Variants in ENPEP observed in about 807,000 individuals in gnomAD.
ENPEP encodes the protein glutamyl aminopeptidase.
In ENPEP, 103 loss-of-function variants were observed where a neutral mutation model predicts 114.5. The observed-to-expected ratio is 0.90, with a 90% CI of 0.77 to 1.06. The LOEUF is 1.06. Among genes scored for constraint, ENPEP ranks in the 50% least tolerant of loss-of-function variants. ENPEP has a pLI of 0.00. For synonymous variants in ENPEP, 420 were observed against 422.0 expected, an observed-to-expected ratio of 1.00 and a Z score of 0.06; for missense variants, 1,196 against 1,161.3, an observed-to-expected ratio of 1.03 and a Z score of -0.43.
intron 8 of ENPEP, among the ~76,000 whole-genome samples, chr4:110,517,375 A>T (rs957154912): frequency 7.9e-5 from 12 of 152,240 alleles, no homozygotes; most frequent in Non-Finnish European, 1.3e-4. Context: ...CCTATAATAA[A>T]TTATACAGGA....
rs777758337 is a variant in ENPEP, at chr4:110,559,635, A to C, written c.2643-12A>C. On this transcript the variant is annotated splice_polypyrimidine_tract_variant and intron_variant, in intron 18 of 19. Transcript: ENST00000265162. ...GCACTTACACTTCCTTTTACTCTAAATTTCTCTCCAGATATACACTCAATA... is the reference window on the plus strand; with the variant it reads ...GCACTTACACTTCCTTTTACTCTAACTTTCTCTCCAGATATACACTCAATA... 6.3e-7 allele frequency: 1 copy of C among 1,597,206 alleles called. No individual in the cohort carries two copies. Among genetic ancestry groups the C allele is most frequent in the Admixed American group, 1.7e-5 (1 of 59,732 alleles).
In ENPEP at chr4:110,476,558, C is replaced by A. The variant is rs778573747; in HGVS notation, c.144C>A (p.Asp48Glu). Residue 48 changes from aspartate (D) to glutamate (E), a missense_variant, in exon 1 of 20, where the codon GAC becomes GAA. Transcript: ENST00000265162. ...CCAGATCGTGTGACTCCAGCGGGGA[C>A]GGCGGGCCGGGCACTGCGCCAGCTC... ...GLTRSCDSSG[D>E]GGPGTAPAPS... 4 of 1,612,630 alleles carry A rather than the reference C, an allele frequency of 2.5e-6. No homozygotes were observed. The South Asian group carries it at 4.4e-5, about 18-fold the overall frequency.
At position 110,476,193 on chromosome 4, in the gene ENPEP, T is replaced by A; in HGVS notation, c.-222T>A. 2.0e-6 allele frequency: 1 copy of A among 512,416 alleles called. No individual in the cohort carries two copies. The highest frequency in any genetic ancestry group is 3.1e-5 in the East Asian group (1 of 32,186). The allele number at this position is 512,416 out of a possible 1,614,324, so 31.7% of individuals were successfully genotyped here. A position where few individuals can be genotyped will look rare whatever the true frequency, so the allele number is the denominator to read the frequency against. On this transcript the variant is annotated 5_prime_UTR_variant, in exon 1 of 20. Transcript: ENST00000265162. ...CTCCCACTCGGCTCCTCTTACGGAG[T>A]CCTCATTCCACCCCCCTTGTTTCCG... is the stretch of plus-strand genomic sequence containing the variant.
At chr4:110,548,349 T>A in intron 14 of ENPEP, 23 bp downstream of exon 14, 1 of 1,510,562 alleles carries the variant, frequency 6.6e-7, no homozygotes, top group Non-Finnish European at 8.9e-7. Context: ...CTATGGTATC[T>A]TATGAAAGTA....
At chr4:110,485,730 T>G (rs1219858043) in intron 1 of ENPEP, among the ~76,000 whole-genome samples, 1 of 152,226 alleles carries the variant, frequency 6.6e-6, no homozygotes, top group East Asian at 1.9e-4. Context: ...AAAGTTAATA[T>G]TTTTGAAGAA....
rs1390060772 is a variant in ENPEP at position 110,562,888 on chromosome 4, C to A, written c.*1330C>A. 6.6e-6 allele frequency: 1 copy of A among 151,976 alleles called. No homozygotes were observed. The highest frequency in any genetic ancestry group is 1.5e-5 in the Non-Finnish European group (1 of 67,948). 9.4% of individuals were successfully genotyped at this position (151,976 alleles called of 1,614,324 possible). Reference sequence around the variant, plus strand: ...TGATGAGAATTGAAGCATATGGAAACAAAACCTTAGCTTTAACTTTATTTA... The same window carrying A: ...TGATGAGAATTGAAGCATATGGAAAAAAAACCTTAGCTTTAACTTTATTTA... On this transcript the variant is annotated 3_prime_UTR_variant, in exon 20 of 20. Coordinates refer to ENST00000265162, the MANE Select transcript of ENPEP (RefSeq NM_001977.4).
intron 17 of ENPEP, among the ~76,000 whole-genome samples, chr4:110,553,053 G>T (rs947886250): frequency 3.3e-5 from 5 of 151,894 alleles, no homozygotes; most frequent in Non-Finnish European, 7.4e-5. Context: ...ATTGTTTTTG[G>T]TGCTTCTAAA....
intron 10 of ENPEP, among the ~76,000 whole-genome samples, chr4:110,530,036 A>G (rs1208577630): frequency 6.6e-6 from 1 of 151,992 alleles, no homozygotes; most frequent in East Asian, 1.9e-4. Context: ...AGTCCGTGCC[A>G]TTGCACTCCA....
chr4:110,498,007 A>T (rs1725005291), intron 3 of ENPEP, among the ~76,000 whole-genome samples: 1 of 152,242 alleles, frequency 6.6e-6, no homozygotes, highest in Admixed American at 6.5e-5. Flanking sequence ...TATATTTAAA[A>T]ACAATATAGA....
intron 11 of ENPEP, among the ~76,000 whole-genome samples, chr4:110,534,670 G>A (rs1360416429): frequency 6.6e-6 from 1 of 151,230 alleles, no homozygotes; most frequent in Non-Finnish European, 1.5e-5. Flanking sequence ...ACCTCAGCTG[G>A]ATATTTTTTT....
intron 3 of ENPEP, among the ~76,000 whole-genome samples, chr4:110,501,362 T>C (rs1207313647): frequency 2.0e-5 from 3 of 152,138 alleles, no homozygotes; most frequent in Non-Finnish European, 4.4e-5. Flanking sequence ...AGGGGTTTGG[T>C]GTACAGATTG....
rs1331402047 is a variant in ENPEP, at chr4:110,564,869, T to C, written c.*3311T>C. The C allele has an allele frequency of 6.6e-6, 1 of 152,202 alleles. No homozygotes were observed. The highest frequency in any genetic ancestry group is 1.5e-5 in the Non-Finnish European group (1 of 68,038). The allele number at this position is 152,202 out of a possible 1,614,324, so 9.4% of individuals were successfully genotyped here. A position where few individuals can be genotyped will look rare whatever the true frequency, so the allele number is the denominator to read the frequency against. On this transcript the variant is annotated 3_prime_UTR_variant, in exon 20 of 20. Transcript: ENST00000265162. ...TCTTCTGCTCCTAGATGCAGCAGTATTCCAGATAGAGGCCGCACTATGAGC... is the reference window on the plus strand; with the variant it reads ...TCTTCTGCTCCTAGATGCAGCAGTACTCCAGATAGAGGCCGCACTATGAGC...
At chr4:110,480,717 A>G (rs556247372) in intron 1 of ENPEP, among the ~76,000 whole-genome samples, 1 of 152,306 alleles carries the variant, frequency 6.6e-6, no homozygotes, top group Admixed American at 6.5e-5. Flanking sequence ...CTTTCTCTCA[A>G]GATTGAGACA....
Position 110,545,867 on chromosome 4 carries a change from G to A in ENPEP, c.2001-2309G>A, listed in dbSNP as rs1727034164. ...TATTTGGAAGAACAGGCCACCCCAT[G>A]CAGTCCCATCTCTTCACTCTGAGGC... On this transcript the variant is annotated intron_variant, in intron 13 of 19. Transcript: ENST00000265162. Among the ~76,000 whole-genome samples, 3 of 151,930 alleles carry A rather than the reference G, an allele frequency of 2.0e-5. No homozygotes were observed. The South Asian group carries it at 6.2e-4, about 32-fold the overall frequency.
rs1727711683 is a variant in ENPEP, at chr4:110,562,474, T to G, written c.*916T>G. 1 of 152,128 alleles carries G rather than the reference T, an allele frequency of 6.6e-6. No homozygotes were observed. Among genetic ancestry groups the G allele is most frequent in the Non-Finnish European group, 1.5e-5 (1 of 68,008 alleles). 9.4% of individuals were successfully genotyped at this position (152,128 alleles called of 1,614,324 possible). On this transcript the variant is annotated 3_prime_UTR_variant, in exon 20 of 20. Coordinates refer to ENST00000265162, the MANE Select transcript of ENPEP (RefSeq NM_001977.4). ...TCAGGAAAGAGAGAAGGCAGATTAT[T>G]TCTTAAAACTAAATGGAATTAGAAT...
At chr4:110,551,240 G>T (rs1457433721) in intron 17 of ENPEP, among the ~76,000 whole-genome samples, 2 of 152,034 alleles carry the variant, frequency 1.3e-5, no homozygotes, top group Non-Finnish European at 2.9e-5. Flanking sequence ...GTGAACTAGG[G>T]GATGAAATAA....
At chr4:110,549,156 T>C (rs533163730) in intron 14 of ENPEP, among the ~76,000 whole-genome samples, 190 bp from the exon 15 acceptor site, 20 of 152,174 alleles carry the variant, frequency 1.3e-4, no homozygotes, top group South Asian at 6.2e-4. Context: ...TCCGGGATGG[T>C]TTATATTTTC....
chr4:110,513,331 C>T lies in ENPEP; in HGVS notation c.1309-84C>T, dbSNP rs142526151. On this transcript the variant is annotated intron_variant, in intron 6 of 19. Transcript: ENST00000265162. ...TAAGTCATTTATATTTATTTTCCTC[C>T]AATTTTTCTTATATATGGTATTTTA... 8.5e-6 allele frequency: 12 copies of T among 1,416,646 alleles called. 1 individual carries two copies. In the African/African-American group the frequency reaches 1.5e-4, roughly 17 times the overall value. The allele number at this position is 1,416,646 out of a possible 1,614,324, so 87.8% of individuals were successfully genotyped here. A position where few individuals can be genotyped will look rare whatever the true frequency, so the allele number is the denominator to read the frequency against.
chr4:110,476,358 G>A lies in ENPEP; in HGVS notation c.-57G>A, dbSNP rs1160815544. On this transcript the variant is annotated 5_prime_UTR_variant, in exon 1 of 20. Coordinates refer to ENST00000265162, the MANE Select transcript of ENPEP (RefSeq NM_001977.4). ...CAATTTAAAAAGGAAGTCTGCTGAC[G>A]TTAGTTAGTTAAATTTAACATCTTT... 11 of 1,494,602 alleles carry A rather than the reference G, an allele frequency of 7.4e-6. No homozygotes were observed. Among genetic ancestry groups the A allele is most frequent in the Admixed American group, 2.3e-5 (1 of 43,566 alleles). 92.6% of individuals were successfully genotyped at this position (1,494,602 alleles called of 1,614,324 possible). A position where few individuals can be genotyped will look rare whatever the true frequency, so the allele number is the denominator to read the frequency against.
Sources: gnomAD v4.1 joint callset for allele counts (sites outside exome capture counted in the v4.1 genomes callset) on GRCh38, gnomAD v4.1.1 for gene constraint, MANE v1.5 for transcripts, NCBI Gene and HGNC (gene_info 2026-07-23, HGNC 2026-07-21) for gene names.